MKLN1: variants seen among roughly 807,000 people sequenced by gnomAD.
The protein encoded by MKLN1 is muskelin 1, also known as muskelin.
In MKLN1, 18 loss-of-function variants were observed where a neutral mutation model predicts 99.0. The ratio of observed to expected loss-of-function variants is 0.18; its 90% CI spans 0.13 to 0.27. MKLN1 has a LOEUF of 0.27. Among genes scored for constraint, MKLN1 ranks in the 10% least tolerant of loss-of-function variants. The probability of loss-of-function intolerance (pLI) is 1.00; values close to 1 mark genes in which losing one functional copy is unlikely to be tolerated. For missense variants in MKLN1, 621 were observed against 875.9 expected, an observed-to-expected ratio of 0.71 and a Z score of 3.67; for synonymous variants, 288 against 293.2, an observed-to-expected ratio of 0.98 and a Z score of 0.18.
At chr7:131,327,839 C>G, upstream of MKLN1, 1 of 1,593,778 alleles carries the variant, frequency 6.3e-7, no homozygotes, top group Non-Finnish European at 8.5e-7. Context: ...GCAGGCCACG[C>G]CCCCTCCCCT....
rs182805585 is a variant in MKLN1, at chr7:131,203,685, T to A, written c.-179+711T>A. 2.6e-4 allele frequency among the ~76,000 whole-genome samples: 40 copies of A among 152,344 alleles called. 1 individual carries two copies. The highest frequency in any genetic ancestry group is 8.7e-4 in the African/African-American group (36 of 41,580). ...GAAAGAGATATTTATTTGTGAATAT[T>A]TGTCTGTAGGTCCTTCCTTCTGTGA... On this transcript the variant is annotated intron_variant, in intron 3 of 7. Transcript: ENST00000416992.
At chr7:131,270,091 T>C (rs1318186805) in intron 3 of MKLN1, among the ~76,000 whole-genome samples, 1 of 150,580 alleles carries the variant, frequency 6.6e-6, no homozygotes, top group African/African-American at 2.5e-5. Context: ...CCCAGCTAAT[T>C]TTTTGTATTT....
intron 1 of MKLN1, among the ~76,000 whole-genome samples, chr7:131,368,945 A>G (rs1425640882): frequency 6.6e-6 from 1 of 151,978 alleles, no homozygotes; most frequent in Non-Finnish European, 1.5e-5. Flanking sequence ...TACCATTTGT[A>G]CTTACTTTAT....
intron 3 of MKLN1, among the ~76,000 whole-genome samples, chr7:131,297,494 T>C (rs1256029975): frequency 6.6e-6 from 1 of 152,030 alleles, no homozygotes; most frequent in East Asian, 1.9e-4. Context: ...GGGCTGACTT[T>C]TTGTATCTGC....
intron 2 of MKLN1, among the ~76,000 whole-genome samples, chr7:131,158,911 C>A (rs536207730): frequency 6.6e-6 from 1 of 152,234 alleles, no homozygotes; most frequent in African/African-American, 2.4e-5. Context: ...TAGATTAGAT[C>A]CCTGCCTTCT....
At chr7:131,216,175 A>G (rs953361988) in intron 3 of MKLN1, among the ~76,000 whole-genome samples, 1 of 152,132 alleles carries the variant, frequency 6.6e-6, no homozygotes, top group African/African-American at 2.4e-5. Flanking sequence ...AGAGGCAGGC[A>G]GATCACCTGA....
rs1043893 is a variant in MKLN1 at position 131,495,038 on chromosome 7, C to T, written c.*7310C>T. The T allele has an allele frequency of 0.38, 57,070 of 152,022 alleles. 10,941 individuals carry two copies. The highest frequency in any genetic ancestry group is 0.52 in the Middle Eastern group (154 of 294). The allele number at this position is 152,022 out of a possible 1,614,324, so 9.4% of individuals were successfully genotyped here. A position where few individuals can be genotyped will look rare whatever the true frequency, so the allele number is the denominator to read the frequency against. ...GCCTCAGAGGAAGAGTACAGGAAAG[C>T]GAAGATGAGGACCTCCTTTTCTTGT... On this transcript the variant is annotated 3_prime_UTR_variant, in exon 18 of 18. Coordinates refer to ENST00000352689, the MANE Select transcript of MKLN1 (RefSeq NM_013255.5).
chr7:131,467,183 C>T (rs766978135), intron 15 of MKLN1, among the ~76,000 whole-genome samples: 4 of 152,134 alleles, frequency 2.6e-5, no homozygotes, highest in African/African-American at 9.7e-5. Flanking sequence ...ATGCTAGACC[C>T]TGTATATTAT....
In MKLN1 at chr7:131,349,168, G is replaced by A. The variant is rs1368669437; in HGVS notation, c.98+21171G>A. ...TTACATATAAATGAAGCCTTTGAGA[G>A]TGCTTAGAAGCAGTTTGATCTCTTA... On this transcript the variant is annotated intron_variant, in intron 1 of 17. Transcript: ENST00000352689. Among the ~76,000 whole-genome samples the A allele has an allele frequency of 3.3e-5, 5 of 151,048 alleles. No individual in the cohort carries two copies. The East Asian group carries it at 9.8e-4, about 30-fold the overall frequency.
In MKLN1 at chr7:131,168,921, G is replaced by A. The variant is rs1796175644; in HGVS notation, c.-297+25980G>A. Among the ~76,000 whole-genome samples the A allele has an allele frequency of 2.0e-5, 3 of 151,490 alleles. No individual in the cohort carries two copies. In the South Asian group the frequency reaches 6.3e-4, roughly 32 times the overall value. ...CTAGCTCTTCCACCTAGGCTGGAGG[G>A]CAGTGGTGCAATCTTGGCTCACCGC... On this transcript the variant is annotated intron_variant, in intron 2 of 7. Transcript: ENST00000416992.
chr7:131,457,135 G>T (rs181162843), intron 12 of MKLN1, among the ~76,000 whole-genome samples: 1 of 152,014 alleles, frequency 6.6e-6, no homozygotes, highest in African/African-American at 2.4e-5. Context: ...AAATTAGCCA[G>T]GCATGGTGGC....
chr7:131,323,665 T>C (rs1000811693), upstream of MKLN1: 2 of 152,186 alleles, frequency 1.3e-5, no homozygotes, highest in Non-Finnish European at 2.9e-5. Flanking sequence ...CTCTTATTAT[T>C]GATTTCTCAT....
intron 17 of MKLN1, among the ~76,000 whole-genome samples, chr7:131,480,851 A>C (rs1797102702): frequency 6.6e-6 from 1 of 152,250 alleles, no homozygotes; most frequent in Non-Finnish European, 1.5e-5. Flanking sequence ...TTTATTTATT[A>C]GTGCATAGCA....
intron 3 of MKLN1, among the ~76,000 whole-genome samples, chr7:131,304,613 G>T (rs1288337223): frequency 2.0e-5 from 3 of 152,158 alleles, no homozygotes; most frequent in Non-Finnish European, 2.9e-5. Flanking sequence ...TGCTTCAACT[G>T]CCCTTTAACA....
intron 1 of MKLN1, among the ~76,000 whole-genome samples, chr7:131,141,068 G>A (rs1563229110): frequency 6.6e-6 from 1 of 152,116 alleles, no homozygotes; most frequent in East Asian, 1.9e-4. Flanking sequence ...ACAGGTGTGA[G>A]CCACTGTACC....
intron 3 of MKLN1, among the ~76,000 whole-genome samples, chr7:131,289,841 T>A (rs1798190979): frequency 6.6e-6 from 1 of 152,222 alleles, no homozygotes; most frequent in Non-Finnish European, 1.5e-5. Flanking sequence ...CCCCATTCAC[T>A]ACATTCCAGC....
intron 6 of MKLN1, among the ~76,000 whole-genome samples, chr7:131,402,918 G>A (rs1794590775): frequency 6.6e-6 from 1 of 152,018 alleles, no homozygotes; most frequent in South Asian, 2.1e-4. Context: ...ATTCTTAAGG[G>A]CCCTAGGATT....
intron 3 of MKLN1, among the ~76,000 whole-genome samples, chr7:131,317,584 G>A (rs763762458): frequency 6.6e-6 from 1 of 151,876 alleles, no homozygotes; most frequent in Non-Finnish European, 1.5e-5. Context: ...CATGATGACA[G>A]GATCAAATTC....
chr7:131,417,073 G>C (rs1252085869), intron 8 of MKLN1, among the ~76,000 whole-genome samples: 1 of 151,106 alleles, frequency 6.6e-6, no homozygotes. Context: ...AGCGTAGCGA[G>C]AATGACTATT....
Sources: gnomAD v4.1 joint callset for allele counts (sites outside exome capture counted in the v4.1 genomes callset) on GRCh38, gnomAD v4.1.1 for gene constraint, MANE v1.5 for transcripts, NCBI Gene and HGNC (gene_info 2026-07-23, HGNC 2026-07-21) for gene names.